Variants in LAMC3 observed in about 807,000 individuals in gnomAD.
LAMC3 encodes the protein laminin subunit gamma 3.
A neutral mutation model predicts 173.8 loss-of-function variants in LAMC3; 128 were observed. The ratio of observed to expected loss-of-function variants is 0.74; its 90% CI spans 0.64 to 0.85. The LOEUF (loss-of-function observed/expected upper bound fraction) is 0.85, where lower values mean the gene tolerates loss of function less well. Among genes scored for constraint, LAMC3 ranks in the 40% least tolerant of loss-of-function variants. LAMC3 has a pLI of 0.00. For missense variants in LAMC3, 2,022 were observed against 2,156.0 expected (o/e 0.94, Z 1.23); for synonymous variants, 897 against 909.1 (o/e 0.99, Z 0.24).
Position 131,060,923 on chromosome 9 carries a change from A to G in LAMC3, c.2159-112A>G, listed in dbSNP as rs1321513181. On this transcript the variant is annotated intron_variant, in intron 12 of 27. Coordinates refer to ENST00000361069, the MANE Select transcript of LAMC3 (RefSeq NM_006059.4). ...CAGGCCTTGCTGCCTCTGCCTGGGA[A>G]AGGTCCCCACCCCACTTCTGCCCGG... The G allele has an allele frequency of 2.8e-6, 3 of 1,070,968 alleles. No homozygotes were observed. In the African/African-American group the frequency reaches 4.7e-5, roughly 17 times the overall value. The allele number at this position is 1,070,968 out of a possible 1,614,324, so 66.3% of individuals were successfully genotyped here. A position where few individuals can be genotyped will look rare whatever the true frequency, so the allele number is the denominator to read the frequency against.
chr9:131,082,152 G>A lies in LAMC3; in HGVS notation c.4021G>A (p.Asp1341Asn), dbSNP rs763226461. 6.2e-7 allele frequency: 1 copy of A among 1,611,454 alleles called. No individual in the cohort carries two copies. Among genetic ancestry groups the A allele is most frequent in the South Asian group, 1.1e-5 (1 of 90,876 alleles). The change falls in exon 24 of 28, where the codon GAT (aspartate) becomes AAT (asparagine). Residue 1341 changes from aspartate (D) to asparagine (N), a missense_variant. By Grantham distance (23) the Asp-to-Asn change is conservative. Transcript: ENST00000361069. ...CATGGGAGCCAGGACTCTGCTGGCTGATCTGGAAGGTACGTGAGTCCAGCT... is the reference window on the plus strand; with the variant it reads ...CATGGGAGCCAGGACTCTGCTGGCTAATCTGGAAGGTACGTGAGTCCAGCT... ...TVMGARTLLA[D>N]LEGMKLQFPR...
chr9:131,047,357 G>A (rs1291714505), intron 8 of LAMC3, among the ~76,000 whole-genome samples: 1 of 150,790 alleles, frequency 6.6e-6, no homozygotes, highest in African/African-American at 2.4e-5. Context: ...TACAGGTCGG[G>A]GGTTTCACCA....
chr9:131,016,935 A>ATT (rs3840732), intron 1 of LAMC3, among the ~76,000 whole-genome samples: 3 of 151,094 alleles, frequency 2.0e-5, no homozygotes, highest in African/African-American at 4.8e-5. Flanking sequence ...CATTTCTACG[A>ATT]TTTTTTTTTT....
intron 7 of LAMC3, 147 bp from the exon 8 acceptor site, chr9:131,045,377 A>T (rs981123874): frequency 1.1e-5 from 9 of 820,542 alleles, no homozygotes; most frequent in Middle Eastern, 3.5e-4. Context: ...TAATGTTCTT[A>T]CTACTCTTCT....
chr9:131,042,082 G>A (rs906456792), intron 7 of LAMC3, among the ~76,000 whole-genome samples: 1 of 152,134 alleles, frequency 6.6e-6, no homozygotes, highest in African/African-American at 2.4e-5. Flanking sequence ...CACCTGCTGT[G>A]GCAGACATCG....
Position 131,026,190 on chromosome 9 carries a change from G to A in LAMC3, c.374-95G>A, listed in dbSNP as rs931402803. ...AGACAGCTTCCAGCGATCCATCCAC[G>A]CTAGTGCCTGCAATGCAGCCGTCTG... On this transcript the variant is annotated intron_variant, in intron 1 of 27. Coordinates refer to ENST00000361069, the MANE Select transcript of LAMC3 (RefSeq NM_006059.4). This position sits in a 1 kb window ranked among gnomAD's most constrained non-coding sequence, Gnocchi z 4.8. 34 of 1,571,342 alleles carry A rather than the reference G, an allele frequency of 2.2e-5. No homozygotes were observed. Among genetic ancestry groups the A allele is most frequent in the African/African-American group, 1.8e-4 (13 of 73,562 alleles).
intron 8 of LAMC3, 104 bp from the exon 9 acceptor site, chr9:131,048,916 C>G (rs1834227362): frequency 1.5e-6 from 1 of 657,934 alleles, no homozygotes. Flanking sequence ...TCTAGCTTCT[C>G]CTGGGGCTCC....
chr9:131,075,493 G>C (rs936011066), intron 20 of LAMC3, among the ~76,000 whole-genome samples: 2 of 151,442 alleles, frequency 1.3e-5, no homozygotes, highest in Non-Finnish European at 2.9e-5. Flanking sequence ...GAGCCCAGGA[G>C]GGGAGGTTGC....
intron 18 of LAMC3, 86 bp from the exon 19 acceptor site, chr9:131,072,544 G>C: frequency 1.8e-6 from 2 of 1,104,420 alleles, no homozygotes; most frequent in Non-Finnish European, 2.7e-6. Flanking sequence ...GGGGAATGGA[G>C]GCCACAGAAG....
Position 131,041,634 on chromosome 9 carries a change from C to T in LAMC3, c.1284-3C>T. 2 of 1,613,618 alleles carry T rather than the reference C, an allele frequency of 1.2e-6. No homozygotes were observed. The highest frequency in any genetic ancestry group is 4.5e-5 in the East Asian group (2 of 44,880). On this transcript the variant is annotated splice_polypyrimidine_tract_variant and splice_region_variant and intron_variant, in intron 6 of 27. Coordinates refer to ENST00000361069, the MANE Select transcript of LAMC3 (RefSeq NM_006059.4). ...TTTTCCTCTTGTCCTGTCTCATTGG[C>T]AGACCCTGCACTTGCAATCCCGCTG...
chr9:131,080,470 G>C (rs1416331011), intron 23 of LAMC3: 2 of 151,966 alleles, frequency 1.3e-5, no homozygotes, highest in Non-Finnish European at 2.9e-5. Flanking sequence ...TGTATTTTTA[G>C]TAGAGATGGG....
At chr9:131,078,835 G>A (rs1283871687) in intron 22 of LAMC3, among the ~76,000 whole-genome samples, 1 of 152,198 alleles carries the variant, frequency 6.6e-6, no homozygotes, top group African/African-American at 2.4e-5. Context: ...GTTGCTCAAG[G>A]CCACGCAGCT....
At chr9:131,078,361 G>A (rs545240469) in intron 22 of LAMC3, among the ~76,000 whole-genome samples, 25 of 152,142 alleles carry the variant, frequency 1.6e-4, no homozygotes, top group East Asian at 3.9e-4. Flanking sequence ...GCATGGTGGC[G>A]GGCGTCTGTA....
In LAMC3 at chr9:131,091,891, C is replaced by A; in HGVS notation, c.*104C>A. On this transcript the variant is annotated 3_prime_UTR_variant, in exon 28 of 28. Coordinates refer to ENST00000361069, the MANE Select transcript of LAMC3 (RefSeq NM_006059.4). The stretch of plus-strand genomic sequence containing the variant: ...TGCCCATACAGACATTCCCCGGAGC[C>A]GGCTGCTGTGAACTCGCCCCCGTGT... 2 of 1,432,342 alleles carry A rather than the reference C, an allele frequency of 1.4e-6. No individual in the cohort carries two copies. The highest frequency in any genetic ancestry group is 1.9e-6 in the Non-Finnish European group (2 of 1,056,908). 88.7% of individuals were successfully genotyped at this position (1,432,342 alleles called of 1,614,324 possible). A position where few individuals can be genotyped will look rare whatever the true frequency, so the allele number is the denominator to read the frequency against.
At chr9:131,081,947 G>A in intron 23 of LAMC3, 112 bp from the exon 24 acceptor site, 2 of 748,874 alleles carry the variant, frequency 2.7e-6, no homozygotes, top group South Asian at 2.9e-5. Flanking sequence ...CCAGCGTCAG[G>A]GATTTGGTGA....
chr9:131,082,230 C>T (rs34092100), intron 24 of LAMC3, 69 bp downstream of exon 24: 1 of 1,176,952 alleles, frequency 8.5e-7, no homozygotes, highest in Non-Finnish European at 1.2e-6. Flanking sequence ...CACCTCTCGC[C>T]TCAGCCAGGG....
chr9:131,066,410 G>A (rs112232845), intron 13 of LAMC3, among the ~76,000 whole-genome samples: 86 of 151,834 alleles, frequency 5.7e-4, no homozygotes, highest in African/African-American at 1.5e-3. Context: ...AGAATTGCTT[G>A]AACCCAGGAG....
At chr9:131,085,842 C>G (rs891935807) in intron 25 of LAMC3, 119 bp downstream of exon 25, 13 of 897,940 alleles carry the variant, frequency 1.4e-5, no homozygotes, top group South Asian at 1.1e-4. Context: ...CTCAGTGGGC[C>G]CAGGCAATTA....
At chr9:131,070,073 A>G (rs1219874534) in intron 17 of LAMC3, among the ~76,000 whole-genome samples, 1 of 151,250 alleles carries the variant, frequency 6.6e-6, no homozygotes, top group Non-Finnish European at 1.5e-5. Flanking sequence ...GGGAAATGTG[A>G]CTCTTGTCAC....
Sources: gnomAD v4.1 joint callset for allele counts (sites outside exome capture counted in the v4.1 genomes callset) on GRCh38, gnomAD v4.1.1 for gene constraint, Gnocchi (gnomAD v3.1) non-coding constraint, MANE v1.5 for transcripts, NCBI Gene and HGNC (gene_info 2026-07-23, HGNC 2026-07-21) for gene names.